Variants in CDK2AP1 observed in about 807,000 individuals in gnomAD.
CDK2AP1 encodes the protein cyclin dependent kinase 2 associated protein 1.
In CDK2AP1, 10 loss-of-function variants were observed where a neutral mutation model predicts 14.1. The ratio of observed to expected loss-of-function variants is 0.71; its 90% CI spans 0.44 to 1.20. CDK2AP1 has a LOEUF of 1.20. CDK2AP1 is among the 50% of genes most tolerant of loss of function. CDK2AP1 has a pLI of 0.00. For missense variants in CDK2AP1, 102 were observed against 149.9 expected (o/e 0.68, Z 1.67); for synonymous variants, 59 against 59.8 (o/e 0.99, Z 0.06).
chr12:123,265,250 C>G lies in CDK2AP1; in HGVS notation c.226G>C (p.Glu76Gln). 1.9e-6 allele frequency: 3 copies of G among 1,614,222 alleles called. No homozygotes were observed. The highest frequency in any genetic ancestry group is 2.5e-6 in the Non-Finnish European group (3 of 1,180,034). ...CTCCCTGCGTACGTGGGTCTGATCT[C>G]CTTCCCCAGCTCTTCAATGATGGCC... is the stretch of plus-strand genomic sequence containing the variant. ...LLAIIEELGK[E>Q]IRPTYAGSKS... is the part of the protein sequence containing the mutation. The change falls in exon 3 of 4, where the codon GAG becomes CAG. Residue 76 changes from glutamate (E) to glutamine (Q), a missense_variant. Glu to Gln is a conservative substitution (Grantham distance 29, BLOSUM62 2). Transcript: ENST00000261692. The surrounding 1 kb of genome is among the most constrained non-coding windows in gnomAD (Gnocchi z 5.3).
intron 1 of CDK2AP1, among the ~76,000 whole-genome samples, chr12:123,270,544 G>C (rs1593299423): frequency 6.6e-6 from 1 of 151,974 alleles, no homozygotes; most frequent in South Asian, 2.1e-4. Flanking sequence ...TGGGAAGTCT[G>C]TTTCCGACCA....
intron 3 of CDK2AP1, chr12:123,262,125 A>T (rs934148230): frequency 4.0e-6 from 1 of 246,986 alleles, no homozygotes; most frequent in African/African-American, 2.2e-5. Flanking sequence ...TGCTTGACCC[A>T]CTATGGAGAT....
rs574785573 is a variant in CDK2AP1, at chr12:123,267,267, G to C, written c.71C>G (p.Ser24Trp). 1 of 1,610,872 alleles carries C rather than the reference G, an allele frequency of 6.2e-7. No individual in the cohort carries two copies. The highest frequency in any genetic ancestry group is 8.5e-7 in the Non-Finnish European group (1 of 1,177,344). ...AGACGTTGCCATGCTGGTGGAAGGC[G>C]AGTGGACACTCCCAGCTGTGGGGTG... ...AALNAAGSVH[S>W]PSTSMATSSQ... Residue 24 changes from serine to tryptophan, a missense_variant, in exon 2 of 4, where the codon TCG (serine) becomes TGG (tryptophan). Around this residue, in one of 2 missense-constraint regions of CDK2AP1, gnomAD observed 50 missense variants for 42.7 expected, o/e 1.17. Coordinates refer to ENST00000261692, the MANE Select transcript of CDK2AP1 (RefSeq NM_004642.4).
chr12:123,265,031 C>G lies in CDK2AP1; in HGVS notation c.280+165G>C, dbSNP rs1161923664. On this transcript the variant is annotated intron_variant, in intron 3 of 3. Coordinates refer to ENST00000261692, the MANE Select transcript of CDK2AP1 (RefSeq NM_004642.4). This position sits in a 1 kb window ranked among gnomAD's most constrained non-coding sequence, Gnocchi z 5.3. ...CCAGGCCCCTCGCTACCAGACCCAT[C>G]GCCTGCCTGAGGCCTCCACCACAGA... Among the ~76,000 whole-genome samples the G allele has an allele frequency of 6.6e-6, 1 of 152,166 alleles. No individual in the cohort carries two copies. The highest frequency in any genetic ancestry group is 1.9e-4 in the East Asian group (1 of 5,184).
Position 123,267,172 on chromosome 12 carries a change from C to G in CDK2AP1, c.153+13G>C. ...CTGGCCCTCCCACCATGCCATCACC[C>G]CCATTGACATACCTGGGTGTAGCCT... On this transcript the variant is annotated intron_variant, in intron 2 of 3. Coordinates refer to ENST00000261692, the MANE Select transcript of CDK2AP1 (RefSeq NM_004642.4). 5 of 1,481,062 alleles carry G rather than the reference C, an allele frequency of 3.4e-6. No homozygotes were observed. Among genetic ancestry groups the G allele is most frequent in the Non-Finnish European group, 4.7e-6 (5 of 1,058,796 alleles). The allele number at this position is 1,481,062 out of a possible 1,614,324, so 91.7% of individuals were successfully genotyped here.
rs1435647996 is a variant in CDK2AP1 at position 123,270,160 on chromosome 12, G to C, written c.55+1404C>G. On this transcript the variant is annotated intron_variant, in intron 1 of 3. Coordinates refer to ENST00000261692, the MANE Select transcript of CDK2AP1 (RefSeq NM_004642.4). ...CCTCCCCACAGGCCAGAGGAAGAAG[G>C]CTGCTGGCAGTCCTACCTGGCAACA... is the stretch of plus-strand genomic sequence containing the variant. 3 of 963,338 alleles carry C rather than the reference G, an allele frequency of 3.1e-6. No individual in the cohort carries two copies. In the African/African-American group the frequency reaches 5.3e-5, roughly 17 times the overall value. The allele number at this position is 963,338 out of a possible 1,614,324, so 59.7% of individuals were successfully genotyped here.
At chr12:123,267,129 TG>T in intron 2 of CDK2AP1, 55 bp downstream of exon 2, 1 of 1,007,110 alleles carries the variant, frequency 9.9e-7, no homozygotes. Context: ...CCTCTGATGG[TG>T]GGAAGCATGT....
upstream of CDK2AP1, chr12:123,272,105 T>C (rs1593300444): frequency 6.6e-6 from 1 of 151,564 alleles, no homozygotes. Flanking sequence ...CGAACCGGAA[T>C]CCGAAGAGCA....
chr12:123,272,028 TGCCCCGCG>T (rs2048359295), upstream of CDK2AP1: 1 of 147,794 alleles, frequency 6.8e-6, no homozygotes, highest in African/African-American at 2.5e-5. Context: ...TCCGGGCGGC[TGCCCCGCG>T]CCCGGCGCCC....
chr12:123,270,594 C>A (rs539243026), intron 1 of CDK2AP1, among the ~76,000 whole-genome samples: 1 of 152,096 alleles, frequency 6.6e-6, no homozygotes, highest in Non-Finnish European at 1.5e-5. Flanking sequence ...TCACAAAGCC[C>A]GGCACCTACG....
At chr12:123,264,337 G>A (rs2048265117) in intron 3 of CDK2AP1, among the ~76,000 whole-genome samples, 1 of 151,360 alleles carries the variant, frequency 6.6e-6, no homozygotes, top group Non-Finnish European at 1.5e-5. Context: ...GCACATGCCT[G>A]TAATCCCAGC....
chr12:123,263,080 G>T (rs571065584), intron 3 of CDK2AP1, among the ~76,000 whole-genome samples: 1 of 151,684 alleles, frequency 6.6e-6, no homozygotes, highest in Admixed American at 6.6e-5. Flanking sequence ...TGGGCGTGGT[G>T]GTGGGCGCCT....
intron 1 of CDK2AP1, among the ~76,000 whole-genome samples, chr12:123,268,665 C>A (rs576561556): frequency 1.3e-5 from 2 of 152,342 alleles, no homozygotes; most frequent in East Asian, 3.9e-4. Flanking sequence ...TCAGTTTCCA[C>A]GCCTCCCACG....
intron 1 of CDK2AP1, among the ~76,000 whole-genome samples, chr12:123,269,881 G>GC (rs1011133596): frequency 2.6e-5 from 4 of 152,262 alleles, no homozygotes; most frequent in African/African-American, 9.6e-5. Context: ...CTGCAAAGGG[G>GC]CCCGTGGGGG....
chr12:123,271,610 G>T lies in CDK2AP1; in HGVS notation c.9C>A (p.Tyr3Ter). 1 of 1,002,034 alleles carries T rather than the reference G, an allele frequency of 1.0e-6. No homozygotes were observed. The highest frequency in any genetic ancestry group is 1.2e-6 in the Non-Finnish European group (1 of 841,416). The allele number at this position is 1,002,034 out of a possible 1,614,324, so 62.1% of individuals were successfully genotyped here. MS[Y>*]KPNLAAHMPA... is the part of the protein sequence containing the mutation. ...GCATGTGCGCGGCCAAGTTCGGTTT[G>T]TAAGACATCCCCCCGGGCGGCGGGC... Residue 3 changes from tyrosine (Y) to a stop codon, truncating the protein, a stop_gained, in exon 1 of 4, where the codon TAC (tyrosine) becomes TAA (stop). Transcript: ENST00000261692. LOFTEE classifies it high-confidence loss of function.
At position 123,260,980 on chromosome 12, in the gene CDK2AP1, A is replaced by G. The variant is rs1298301588; in HGVS notation, c.*756T>C. ...AAATAAAACAGCACGTAAGAATTCA[A>G]GGAACCCACATTTTAATACAAATTG... On this transcript the variant is annotated 3_prime_UTR_variant, in exon 4 of 4. Transcript: ENST00000261692. 6.6e-6 allele frequency: 1 copy of G among 152,348 alleles called. No homozygotes were observed. Among genetic ancestry groups the G allele is most frequent in the East Asian group, 1.9e-4 (1 of 5,200 alleles). The allele number at this position is 152,348 out of a possible 1,614,324, so 9.4% of individuals were successfully genotyped here. A position where few individuals can be genotyped will look rare whatever the true frequency, so the allele number is the denominator to read the frequency against.
chr12:123,261,657 G>T lies in CDK2AP1; in HGVS notation c.*79C>A, dbSNP rs2048233707. 19 of 1,183,552 alleles carry T rather than the reference G, an allele frequency of 1.6e-5. No individual in the cohort carries two copies. The highest frequency in any genetic ancestry group is 1.2e-4 in the Admixed American group (7 of 58,078). 73.3% of individuals were successfully genotyped at this position (1,183,552 alleles called of 1,614,324 possible). The stretch of plus-strand genomic sequence containing the variant: ...AACTGTAACCATTTTGAAAACAAGG[G>T]TTTCATCTGAACAGGGGAGATGAAC... On this transcript the variant is annotated 3_prime_UTR_variant, in exon 4 of 4. Coordinates refer to ENST00000261692, the MANE Select transcript of CDK2AP1 (RefSeq NM_004642.4).
At chr12:123,268,180 C>T (rs1210924027) in intron 1 of CDK2AP1, 2 of 985,222 alleles carry the variant, frequency 2.0e-6, no homozygotes, top group African/African-American at 3.5e-5. Flanking sequence ...TAGTCCTCCT[C>T]GGCAGCTGCC....
chr12:123,271,623 C>G lies in CDK2AP1; in HGVS notation c.-5G>C. ...CAAGTTCGGTTTGTAAGACATCCCC[C>G]CGGGCGGCGGGCGCGCCGGGCGCGG... On this transcript the variant is annotated 5_prime_UTR_variant, in exon 1 of 4. Coordinates refer to ENST00000261692, the MANE Select transcript of CDK2AP1 (RefSeq NM_004642.4). 1.0e-6 allele frequency: 1 copy of G among 991,572 alleles called. No homozygotes were observed. 61.4% of individuals were successfully genotyped at this position (991,572 alleles called of 1,614,324 possible).
Sources: gnomAD v4.1 joint callset for allele counts (sites outside exome capture counted in the v4.1 genomes callset) on GRCh38, gnomAD v4.1.1 for gene constraint, gnomAD v4.1.1 regional missense constraint, Gnocchi (gnomAD v3.1) non-coding constraint, MANE v1.5 for transcripts, NCBI Gene and HGNC (gene_info 2026-07-23, HGNC 2026-07-21) for gene names.